The following FAF1 variants were observed in gnomAD, a reference collection of about 807,000 sequenced individuals.
FAF1 encodes the protein Fas associated factor 1.
A neutral mutation model predicts 92.5 loss-of-function variants in FAF1; 25 were observed. That is an observed-to-expected ratio of 0.27 (90% CI 0.20 to 0.38). The LOEUF is 0.38. Among genes scored for constraint, FAF1 ranks in the 10% least tolerant of loss-of-function variants. FAF1 has a pLI of 1.00. For missense variants in FAF1, 636 were observed against 793.3 expected, an observed-to-expected ratio of 0.80 and a Z score of 2.38; for synonymous variants, 234 against 273.2, an observed-to-expected ratio of 0.86 and a Z score of 1.42.
At chr1:50,875,091 AAAG>A in intron 1 of FAF1, among the ~76,000 whole-genome samples, 1 of 152,178 alleles carries the variant, frequency 6.6e-6, no homozygotes, top group East Asian at 1.9e-4. Flanking sequence ...AATTCATATT[AAAG>A]AATACTGAAT....
intron 18 of FAF1, among the ~76,000 whole-genome samples, chr1:50,465,412 A>G (rs1350221312): frequency 1.3e-5 from 2 of 152,252 alleles, no homozygotes; most frequent in Non-Finnish European, 2.9e-5. Flanking sequence ...TAAGTAGAAG[A>G]GAGCATTATT....
chr1:50,783,015 C>T (rs1661234572), intron 4 of FAF1, among the ~76,000 whole-genome samples: 1 of 151,608 alleles, frequency 6.6e-6, no homozygotes, highest in South Asian at 2.1e-4. Context: ...GTTCATCAAC[C>T]TTTATCTAGA....
At chr1:50,647,188 A>C (rs1654637533) in intron 8 of FAF1, among the ~76,000 whole-genome samples, 1 of 152,136 alleles carries the variant, frequency 6.6e-6, no homozygotes, top group South Asian at 2.1e-4. Context: ...TGGTGGAGGA[A>C]GCTTAACCTA....
At chr1:50,659,590 A>AC in intron 7 of FAF1, among the ~76,000 whole-genome samples, 1 of 149,222 alleles carries the variant, frequency 6.7e-6, no homozygotes, top group Admixed American at 6.7e-5. Flanking sequence ...TGTCTTACAC[A>AC]TTTTTTTTTT....
intron 17 of FAF1, among the ~76,000 whole-genome samples, chr1:50,480,270 G>A (rs1646685443): frequency 6.6e-6 from 1 of 152,048 alleles, no homozygotes; most frequent in Non-Finnish European, 1.5e-5. Flanking sequence ...GTCACTACAA[G>A]GTTACATTTT....
At chr1:50,728,770 G>A (rs1214825752) in intron 6 of FAF1, among the ~76,000 whole-genome samples, 9 of 147,724 alleles carry the variant, frequency 6.1e-5, no homozygotes, top group South Asian at 2.1e-4. Context: ...TAGCCTGGGC[G>A]ACAGAGCCAG....
intron 8 of FAF1, among the ~76,000 whole-genome samples, chr1:50,638,417 G>C (rs1405172015): frequency 2.0e-5 from 3 of 151,308 alleles, no homozygotes; most frequent in Non-Finnish European, 4.4e-5. Flanking sequence ...ATTAAATACG[G>C]TAGGTATTGC....
intron 4 of FAF1, among the ~76,000 whole-genome samples, chr1:50,753,143 T>C (rs1237340835): frequency 6.6e-6 from 1 of 152,246 alleles, no homozygotes; most frequent in Admixed American, 6.5e-5. Context: ...TCACCCTCAA[T>C]GGTTTCCATG....
intron 8 of FAF1, among the ~76,000 whole-genome samples, chr1:50,652,131 A>G (rs1332288852): frequency 6.6e-6 from 1 of 152,204 alleles, no homozygotes; most frequent in Non-Finnish European, 1.5e-5. Context: ...GCAAATGGCA[A>G]TAATGAGGCT....
At chr1:50,443,270 T>G (rs760297920) in intron 18 of FAF1, among the ~76,000 whole-genome samples, 8 of 152,144 alleles carry the variant, frequency 5.3e-5, no homozygotes, top group African/African-American at 9.7e-5. Flanking sequence ...AGGCCTGAGT[T>G]GCACCATGCT....
At chr1:50,917,015 G>A (rs564792409) in intron 1 of FAF1, among the ~76,000 whole-genome samples, 7 of 152,216 alleles carry the variant, frequency 4.6e-5, no homozygotes, top group African/African-American at 9.6e-5. Flanking sequence ...ACAATGTCCC[G>A]AATCTATCAC....
chr1:50,660,009 CA>C (rs1390774050), intron 7 of FAF1, among the ~76,000 whole-genome samples: 25 of 152,290 alleles, frequency 1.6e-4, no homozygotes, highest in African/African-American at 6.0e-4. Context: ...CTTCAAACTT[CA>C]TACTTCCTCA....
At chr1:50,563,784 C>T (rs946465530) in intron 13 of FAF1, among the ~76,000 whole-genome samples, 2 of 152,130 alleles carry the variant, frequency 1.3e-5, no homozygotes, top group Non-Finnish European at 2.9e-5. Flanking sequence ...TTTCATGTCT[C>T]AGTTCATATT....
intron 4 of FAF1, chr1:50,781,265 C>T (rs1243556664): frequency 2.0e-5 from 3 of 152,758 alleles, no homozygotes; most frequent in Non-Finnish European, 4.3e-5. Flanking sequence ...TCATGATTGG[C>T]TTAAAGTGAA....
intron 15 of FAF1, among the ~76,000 whole-genome samples, chr1:50,501,819 T>A (rs545536453): frequency 1.6e-4 from 24 of 152,334 alleles, no homozygotes; most frequent in Non-Finnish European, 2.9e-4. Context: ...CTATCTACTG[T>A]ATGTATGATC....
At chr1:50,874,116 A>T (rs1644550837) in intron 1 of FAF1, among the ~76,000 whole-genome samples, 1 of 152,114 alleles carries the variant, frequency 6.6e-6, no homozygotes, top group Non-Finnish European at 1.5e-5. Context: ...CTAGTACCTG[A>T]CAATTGTCTA....
At chr1:50,820,482 T>C (rs1644033340) in intron 2 of FAF1, among the ~76,000 whole-genome samples, 1 of 152,042 alleles carries the variant, frequency 6.6e-6, no homozygotes, top group African/African-American at 2.4e-5. Context: ...TTTGTGTGCA[T>C]GTGTGTGTGT....
chr1:50,823,681 GAA>G (rs1644066989), intron 2 of FAF1, among the ~76,000 whole-genome samples: 1 of 151,604 alleles, frequency 6.6e-6, no homozygotes, highest in Non-Finnish European at 1.5e-5. Context: ...AAAAAAACTG[GAA>G]AAGACATACA....
intron 4 of FAF1, among the ~76,000 whole-genome samples, chr1:50,763,319 C>A (rs559875566): frequency 1.4e-5 from 2 of 148,060 alleles, no homozygotes; most frequent in East Asian, 3.9e-4. Flanking sequence ...ATCTTTGTTT[C>A]TCTGGCTCTG....
Sources: gnomAD v4.1 joint callset for allele counts (sites outside exome capture counted in the v4.1 genomes callset) on GRCh38, gnomAD v4.1.1 for gene constraint, MANE v1.5 for transcripts, NCBI Gene and HGNC (gene_info 2026-07-23, HGNC 2026-07-21) for gene names.